The following SMC1B variants were observed in gnomAD, a reference collection of about 807,000 sequenced individuals.
SMC1B encodes the protein structural maintenance of chromosomes 1B, also known as structural maintenance of chromosomes protein 1B.
Under a neutral mutation model 157.9 loss-of-function variants are expected in SMC1B, and 60 were observed. The observed-to-expected ratio is 0.38, with a 90% confidence interval of 0.31 to 0.47. SMC1B has a LOEUF of 0.47. Ranked by LOEUF, SMC1B falls within the 20% of genes least tolerant of loss-of-function variation. SMC1B has a pLI of 0.99. For synonymous variants in SMC1B, 445 were observed against 483.0 expected (o/e 0.92, Z 1.03); for missense variants, 1,165 against 1,426.2 (o/e 0.82, Z 2.95).
intron 5 of SMC1B, among the ~76,000 whole-genome samples, chr22:45,399,662 A>G (rs1025922980): frequency 6.6e-6 from 1 of 152,188 alleles, no homozygotes; most frequent in African/African-American, 2.4e-5. Context: ...ATCACTCAGG[A>G]GGCTAAGGGA....
chr22:45,371,571 T>C lies in SMC1B; in HGVS notation c.2213A>G (p.Gln738Arg), dbSNP rs2086832177. 2 of 1,594,916 alleles carry C rather than the reference T, an allele frequency of 1.3e-6. No homozygotes were observed. Among genetic ancestry groups the C allele is most frequent in the Non-Finnish European group, 1.7e-6 (2 of 1,173,262 alleles). Reference sequence around the variant, plus strand: ...AGACTCAATATTTAGTAGTTCACTTTGTAACTGAGATTGTTCCTAATAACA... The same window carrying C: ...AGACTCAATATTTAGTAGTTCACTTCGTAACTGAGATTGTTCCTAATAACA... ...VAFYQEQSQL[Q>R]SELLNIESQC... is the part of the protein sequence containing the mutation. Residue 738 changes from glutamine (Q) to arginine (R), a missense_variant, in exon 14 of 25, where the codon CAA becomes CGA. By Grantham distance (43) the Gln-to-Arg change is conservative. Transcript: ENST00000357450.
intron 4 of SMC1B, among the ~76,000 whole-genome samples, chr22:45,404,615 C>G (rs563471542): frequency 1.3e-5 from 2 of 152,374 alleles, no homozygotes; most frequent in African/African-American, 4.8e-5. Flanking sequence ...CATTTCCTTT[C>G]TATTGATTCC....
chr22:45,382,850 C>G (rs2086950060), intron 12 of SMC1B, among the ~76,000 whole-genome samples: 1 of 152,116 alleles, frequency 6.6e-6, no homozygotes, highest in Non-Finnish European at 1.5e-5. Flanking sequence ...AAATGCCTAT[C>G]AGGCCGGGCA....
rs2086815575 is a variant in SMC1B at position 45,369,992 on chromosome 22, G to T, written c.2382C>A (p.Asn794Lys). The T allele has an allele frequency of 6.3e-7, 1 of 1,596,426 alleles. No individual in the cohort carries two copies. The highest frequency in any genetic ancestry group is 1.1e-5 in the South Asian group (1 of 87,202). Residue 794 changes from asparagine (N) to lysine (K), a missense_variant, in exon 15 of 25, where the codon AAC becomes AAA. Transcript: ENST00000357450. The part of the protein sequence containing the change: ...IGVENIREFE[N>K]KHVKRQQEID... ...TTTCTTGTTGCCGTTTAACATGTTT[G>T]TTCTCAAATTCACGAATATTTTCCA... is the stretch of plus-strand genomic sequence containing the variant.
chr22:45,386,980 T>C lies in SMC1B; in HGVS notation c.1798A>G (p.Thr600Ala), dbSNP rs1440747382. 2 of 1,614,058 alleles carry C rather than the reference T, an allele frequency of 1.2e-6. No individual in the cohort carries two copies. Among genetic ancestry groups the C allele is most frequent in the Non-Finnish European group, 1.7e-6 (2 of 1,179,940 alleles). ...ACTTTCTTCAGCTGAGGAAACTGAG[T>C]CTTTATGACATCAATCACCATTTTA... The part of the protein sequence containing the change: ...GCKMVIDVIK[T>A]QFPQLKKVIQ... Residue 600 changes from threonine (T) to alanine (A), a missense_variant, in exon 11 of 25, where the codon ACT becomes GCT. Physicochemically the swap from Thr to Ala is moderately conservative, Grantham distance 58. Coordinates refer to ENST00000357450, the MANE Select transcript of SMC1B (RefSeq NM_148674.5).
At chr22:45,404,589 G>A (rs373511753) in intron 4 of SMC1B, among the ~76,000 whole-genome samples, 10 of 152,266 alleles carry the variant, frequency 6.6e-5, no homozygotes, top group East Asian at 3.9e-4. Context: ...TCTACAATCC[G>A]TTATCTTAAT....
intron 23 of SMC1B, among the ~76,000 whole-genome samples, chr22:45,346,520 G>T (rs1440073893): frequency 6.6e-6 from 1 of 152,220 alleles, no homozygotes; most frequent in Admixed American, 6.5e-5. Context: ...CCTAGAATGG[G>T]TCTTCTCCAT....
intron 16 of SMC1B, 57 bp from the exon 17 acceptor site, chr22:45,362,041 T>G: frequency 6.5e-7 from 1 of 1,527,920 alleles, no homozygotes; most frequent in Non-Finnish European, 8.9e-7. Context: ...ATAAGGTACT[T>G]CTATGTTCTT....
intron 12 of SMC1B, among the ~76,000 whole-genome samples, chr22:45,383,124 A>C (rs921386041): frequency 2.9e-5 from 4 of 138,294 alleles, no homozygotes; most frequent in Non-Finnish European, 6.0e-5. Context: ...CAAGAGCGAA[A>C]CTCTGTCTCA....
chr22:45,349,853 C>T, intron 22 of SMC1B, 56 bp from the exon 23 acceptor site: 1 of 1,362,842 alleles, frequency 7.3e-7, no homozygotes, highest in East Asian at 2.3e-5. Context: ...TTACAAAAGA[C>T]TTGGAGGAAA....
chr22:45,384,120 A>C (rs1422684954), intron 11 of SMC1B, among the ~76,000 whole-genome samples: 1 of 152,180 alleles, frequency 6.6e-6, no homozygotes, highest in African/African-American at 2.4e-5. Flanking sequence ...GTGTAATTTT[A>C]ATGGGTATTT....
chr22:45,355,493 AT>A (rs2086660867), intron 19 of SMC1B, among the ~76,000 whole-genome samples: 1 of 152,124 alleles, frequency 6.6e-6, no homozygotes, highest in Non-Finnish European at 1.5e-5. Flanking sequence ...TGGATTAAAA[AT>A]TTTTTGTAAG....
At chr22:45,405,967 T>C (rs985509342) in intron 4 of SMC1B, among the ~76,000 whole-genome samples, 2 of 152,206 alleles carry the variant, frequency 1.3e-5, no homozygotes, top group African/African-American at 4.8e-5. Flanking sequence ...TCTCTTCTAA[T>C]TGGTTGTGGA....
intron 5 of SMC1B, among the ~76,000 whole-genome samples, chr22:45,400,923 G>A (rs142066761): frequency 2.4e-4 from 36 of 152,112 alleles, no homozygotes; most frequent in East Asian, 1.4e-3. Context: ...AGACAAATCC[G>A]GATTGAAAGA....
chr22:45,349,702 A>G (rs1395441864), intron 23 of SMC1B, 26 bp downstream of exon 23: 2 of 1,581,344 alleles, frequency 1.3e-6, no homozygotes, highest in African/African-American at 1.3e-5. Context: ...TAGACAGTCT[A>G]TTGAAAATGA....
At chr22:45,386,743 G>T in intron 11 of SMC1B, 124 bp downstream of exon 11, 1 of 795,920 alleles carries the variant, frequency 1.3e-6, no homozygotes, top group Non-Finnish European at 1.9e-6. Flanking sequence ...GTTCTATGTT[G>T]GTTCTCTTTA....
chr22:45,370,992 C>T (rs1569182541), intron 14 of SMC1B, among the ~76,000 whole-genome samples: 2 of 151,974 alleles, frequency 1.3e-5, no homozygotes, highest in Admixed American at 6.6e-5. Context: ...TCAGAGATAC[C>T]CCACGGTGGA....
Position 45,383,476 on chromosome 22 carries a change from T to C in SMC1B, c.2049A>G (p.Gln683=), listed in dbSNP as rs761111984. 6.3e-7 allele frequency: 1 copy of C among 1,596,314 alleles called. No homozygotes were observed. Among genetic ancestry groups the C allele is most frequent in the Admixed American group, 1.9e-5 (1 of 53,584 alleles). The change falls in exon 12 of 25, where the codon CAA becomes CAG. Residue 683 remains glutamine (Q), a synonymous_variant. Transcript: ENST00000357450. The stretch of plus-strand genomic sequence containing the variant: ...TATGACATGGATTTACCTTTAGCTC[T>C]TGGATTTTCTGGCTTCGTCTGTCTC... The part of the protein sequence containing the change: ...NLRDRRSQKI[Q]ELKGLMKTLR...
chr22:45,372,594 T>C (rs2086844362), intron 12 of SMC1B, among the ~76,000 whole-genome samples: 1 of 152,168 alleles, frequency 6.6e-6, no homozygotes, highest in African/African-American at 2.4e-5. Flanking sequence ...GATCATGTAA[T>C]TGCCTTGTTT....
Sources: gnomAD v4.1 joint callset for allele counts (sites outside exome capture counted in the v4.1 genomes callset) on GRCh38, gnomAD v4.1.1 for gene constraint, MANE v1.5 for transcripts, NCBI Gene and HGNC (gene_info 2026-07-23, HGNC 2026-07-21) for gene names.